Variants in CIAO2A observed in about 807,000 individuals in gnomAD.
CIAO2A encodes the protein MIP18 family protein FAM96A.
A neutral mutation model predicts 22.4 loss-of-function variants in CIAO2A; 17 were observed. The ratio of observed to expected loss-of-function variants is 0.76; its 90% confidence interval spans 0.52 to 1.14. The LOEUF (loss-of-function observed/expected upper bound fraction) is 1.14, where lower values mean the gene tolerates loss of function less well. Ranked by LOEUF, CIAO2A falls within the 50% of genes most tolerant of loss-of-function variation. The pLI, the probability that CIAO2A is intolerant of heterozygous loss-of-function variation, is 0.00. For missense variants in CIAO2A, 192 were observed against 191.4 expected, an observed-to-expected ratio of 1.00 and a Z score of -0.02; for synonymous variants, 74 against 72.3, an observed-to-expected ratio of 1.02 and a Z score of -0.12.
chr15:64,079,731 T>C (rs966401922), intron 3 of CIAO2A, among the ~76,000 whole-genome samples: 3 of 152,216 alleles, frequency 2.0e-5, no homozygotes, highest in African/African-American at 7.2e-5. Flanking sequence ...GTGATATCCA[T>C]ATTCTTGCTC....
chr15:64,081,372 C>A (rs1307662125), intron 2 of CIAO2A, among the ~76,000 whole-genome samples: 2 of 151,934 alleles, frequency 1.3e-5, no homozygotes, highest in Non-Finnish European at 2.9e-5. Flanking sequence ...ATTACTAATC[C>A]CCTTCTACAA....
intron 3 of CIAO2A, among the ~76,000 whole-genome samples, chr15:64,080,898 A>G (rs1012578021): frequency 6.6e-6 from 1 of 152,206 alleles, no homozygotes; most frequent in Non-Finnish European, 1.5e-5. Context: ...TGCCTACACA[A>G]AAACTTATAC....
intron 2 of CIAO2A, among the ~76,000 whole-genome samples, chr15:64,084,765 G>A (rs1414229151): frequency 7.3e-5 from 11 of 151,356 alleles, no homozygotes; most frequent in South Asian, 6.3e-4. Flanking sequence ...GTGAAACTCC[G>A]TCTCAAAAAA....
At chr15:64,090,623 C>T (rs2080833150) in intron 1 of CIAO2A, among the ~76,000 whole-genome samples, 1 of 152,170 alleles carries the variant, frequency 6.6e-6, no homozygotes, top group South Asian at 2.1e-4. Context: ...AATTCAGGCT[C>T]ATGAGAGCTA....
chr15:64,088,916 G>C, intron 1 of CIAO2A, 65 bp from the exon 2 acceptor site: 1 of 1,486,206 alleles, frequency 6.7e-7, no homozygotes. Flanking sequence ...AGATGATTTT[G>C]CCAGGCCTAA....
chr15:64,078,639 C>CAAAAAAAAAAAAAA (rs56266808), intron 3 of CIAO2A, among the ~76,000 whole-genome samples: 10 of 129,132 alleles, frequency 7.7e-5, no homozygotes, highest in East Asian at 2.3e-4. Context: ...CCATCGCAAA[C>CAAAAAAAAAAAAAA]AAAAAAAAAA....
intron 1 of CIAO2A, among the ~76,000 whole-genome samples, 176 bp downstream of exon 1, chr15:64,093,469 G>A (rs1209491558): frequency 1.3e-5 from 2 of 151,724 alleles, no homozygotes; most frequent in Non-Finnish European, 2.9e-5. Flanking sequence ...CGTGACTTAG[G>A]ACCCCGAAGA....
At chr15:64,075,227 T>G (rs1247533205) in intron 4 of CIAO2A, 4 of 282,266 alleles carry the variant, frequency 1.4e-5, no homozygotes, top group African/African-American at 8.9e-5. Flanking sequence ...TAAGTCAAGG[T>G]CCCCAGCACT....
chr15:64,086,430 A>G (rs1167323872), intron 2 of CIAO2A, among the ~76,000 whole-genome samples: 1 of 152,032 alleles, frequency 6.6e-6, no homozygotes, highest in Non-Finnish European at 1.5e-5. Context: ...AAATAAATAA[A>G]TAAATTTGCT....
At chr15:64,093,247 G>A (rs1038937598) in intron 1 of CIAO2A, among the ~76,000 whole-genome samples, 14 of 152,190 alleles carry the variant, frequency 9.2e-5, no homozygotes, top group African/African-American at 3.1e-4. Context: ...GCAAGAGTGC[G>A]TGTCCAGGAG....
rs369179088 is a variant in CIAO2A at position 64,093,584 on chromosome 15, C to CA, written c.124+60dup. ...CCCTCAGGTGAGGCCATCATCCCCG[C>CA]ACCCCTCAGCTCCGGCCTGCACCTA... On this transcript the variant is annotated intron_variant, in intron 1 of 4. Transcript: ENST00000300030. 79 of 1,546,156 alleles carry CA rather than the reference C, an allele frequency of 5.1e-5. 1 individual carries two copies. In the African/African-American group the frequency reaches 1.0e-3, roughly 20 times the overall value.
intron 2 of CIAO2A, among the ~76,000 whole-genome samples, chr15:64,083,460 C>T (rs968614823): frequency 6.6e-6 from 1 of 152,152 alleles, no homozygotes; most frequent in Non-Finnish European, 1.5e-5. Context: ...CCCTTGGAGT[C>T]TTCCTTGTCA....
At chr15:64,080,373 C>A (rs1253475413) in intron 3 of CIAO2A, among the ~76,000 whole-genome samples, 1 of 149,110 alleles carries the variant, frequency 6.7e-6, no homozygotes, top group African/African-American at 2.5e-5. Context: ...GGCGACAGGG[C>A]AAGACTTTGT....
chr15:64,085,295 G>A (rs2080785480), intron 2 of CIAO2A, among the ~76,000 whole-genome samples: 1 of 152,090 alleles, frequency 6.6e-6, no homozygotes, highest in Non-Finnish European at 1.5e-5. Context: ...AGCACTTGGG[G>A]AGGCTGAGGC....
intron 3 of CIAO2A, among the ~76,000 whole-genome samples, chr15:64,076,494 A>G (rs151033044): frequency 3.1e-4 from 47 of 152,294 alleles, no homozygotes; most frequent in African/African-American, 1.1e-3. Flanking sequence ...ACCTATAGAC[A>G]TGAGCTACCC....
intron 3 of CIAO2A, among the ~76,000 whole-genome samples, chr15:64,080,114 C>G (rs150364045): frequency 1.0e-3 from 155 of 152,308 alleles, no homozygotes; most frequent in Middle Eastern, 3.4e-3. Flanking sequence ...CAGCAGGGTG[C>G]AGTGGCTCAT....
chr15:64,072,932 C>A lies in CIAO2A; in HGVS notation c.482G>T (p.Ter161LeuextTer1). 6.2e-7 allele frequency: 1 copy of A among 1,603,712 alleles called. No homozygotes were observed. The highest frequency in any genetic ancestry group is 8.5e-7 in the Non-Finnish European group (1 of 1,171,434). Residue 161 changes from the stop codon to leucine (L), a stop_lost, in exon 5 of 5, where the codon TGA becomes TTA. Transcript: ENST00000300030. ...IVEQCVLEPD* is the reference protein window; with the variant it reads ...IVEQCVLEPDL ...GGCCAGTGGCTCTTAAAACAGCTATCAGTCAGGTTCAAGGACACACTGTTC... is the reference window on the plus strand; with the variant it reads ...GGCCAGTGGCTCTTAAAACAGCTATAAGTCAGGTTCAAGGACACACTGTTC...
intron 2 of CIAO2A, among the ~76,000 whole-genome samples, chr15:64,085,516 T>A (rs574196170): frequency 2.0e-5 from 3 of 152,190 alleles, no homozygotes; most frequent in South Asian, 4.1e-4. Flanking sequence ...ACAAAAAAAA[T>A]TTAAAAAAAG....
chr15:64,074,887 AT>A (rs1050862189), intron 4 of CIAO2A: 3 of 152,130 alleles, frequency 2.0e-5, no homozygotes, highest in African/African-American at 7.2e-5. Flanking sequence ...TGCCTTTTAA[AT>A]GTATTTCTCA....
Sources: allele counts gnomAD v4.1 joint callset (sites outside exome capture counted in the v4.1 genomes callset), GRCh38; gene constraint gnomAD v4.1.1; transcripts MANE v1.5; gene names NCBI Gene and HGNC (gene_info 2026-07-23, HGNC 2026-07-21).